Variants in EYS observed in about 807,000 individuals in gnomAD.
EYS encodes the protein EGF-like photoreceptor maintenance factor.
Under a neutral mutation model 282.1 loss-of-function variants are expected in EYS, and 250 were observed. The ratio of observed to expected loss-of-function variants is 0.89; its 90% confidence interval spans 0.80 to 0.98. The LOEUF (loss-of-function observed/expected upper bound fraction) is 0.98, where lower values mean the gene tolerates loss of function less well. Among genes scored for constraint, EYS ranks in the 50% least tolerant of loss-of-function variants. The probability of loss-of-function intolerance (pLI) is 0.00; values close to 1 mark genes in which losing one functional copy is unlikely to be tolerated. For synonymous variants in EYS, 1,355 were observed against 1,282.9 expected (o/e 1.06, Z -1.20); for missense variants, 4,016 against 3,709.0 (o/e 1.08, Z -2.15).
Position 64,591,257 on chromosome 6 carries a change from C to G in EYS, c.4610G>C (p.Arg1537Thr). The G allele has an allele frequency of 6.4e-7, 1 of 1,551,410 alleles. No homozygotes were observed. Among genetic ancestry groups the G allele is most frequent in the Non-Finnish European group, 8.7e-7 (1 of 1,146,810 alleles). ...QAITEASSNQ[R>T]LTNIKSQAAD... ...AGCCTGTGATTTGATGTTTGTGAGT[C>G]TCTGGTTGCTTGAAGCCTCAGTAAT... Residue 1537 changes from arginine (R) to threonine (T), a missense_variant, in exon 26 of 43, where the codon AGA becomes ACA. Transcript: ENST00000503581.
In EYS at chr6:64,821,680, C is replaced by A. The variant is rs1764903133; in HGVS notation, c.3208G>T (p.Asp1070Tyr). The change falls in exon 21 of 43, where the codon GAT becomes TAT. Residue 1070 changes from aspartate (D) to tyrosine (Y), a missense_variant. By Grantham distance (160) the Asp-to-Tyr change is radical (BLOSUM62 -3). Transcript: ENST00000503581. Reference sequence around the variant, plus strand: ...ATCTTACATTGTGTGCTAGTCCCATCTGCATCACATGAACATGGATATTCA... The same window carrying A: ...ATCTTACATTGTGTGCTAGTCCCATATGCATCACATGAACATGGATATTCA... ...INEYPCSCDA[D>Y]GTSTQCKIKI... 1.3e-6 allele frequency: 2 copies of A among 1,526,602 alleles called. No homozygotes were observed. The highest frequency in any genetic ancestry group is 8.9e-7 in the Non-Finnish European group (1 of 1,128,910). 94.6% of individuals were successfully genotyped at this position (1,526,602 alleles called of 1,614,324 possible).
chr6:65,158,053 G>A (rs1305745253), intron 12 of EYS, among the ~76,000 whole-genome samples: 1 of 150,654 alleles, frequency 6.6e-6, no homozygotes, highest in Non-Finnish European at 1.5e-5. Flanking sequence ...ATTGCTTTAA[G>A]GGAATAACAA....
chr6:65,563,834 T>C (rs993631889), intron 2 of EYS, among the ~76,000 whole-genome samples: 1 of 151,978 alleles, frequency 6.6e-6, no homozygotes, highest in African/African-American at 2.4e-5. Flanking sequence ...ATCCTAAGAA[T>C]TGAGCAAACA....
At chr6:64,769,345 A>G (rs2149984728) in intron 22 of EYS, among the ~76,000 whole-genome samples, 1 of 152,246 alleles carries the variant, frequency 6.6e-6, no homozygotes, top group African/African-American at 2.4e-5. Context: ...ATAAATGAGC[A>G]CAGCTGTATT....
intron 35 of EYS, among the ~76,000 whole-genome samples, chr6:63,927,204 T>A (rs1764741246): frequency 6.6e-6 from 1 of 152,316 alleles, no homozygotes; most frequent in East Asian, 1.9e-4. Flanking sequence ...CATCAAACAG[T>A]TATTTTTAGG....
Position 64,004,427 on chromosome 6 carries a change from G to A in EYS, c.6726-5244C>T, listed in dbSNP as rs539978098. Among the ~76,000 whole-genome samples, 19 of 151,512 alleles carry A rather than the reference G, an allele frequency of 1.3e-4. No individual in the cohort carries two copies. In the South Asian group the frequency reaches 3.8e-3, roughly 30 times the overall value. ...AATTCAGTTTCCACTCTTTAAATAAGGAGCAATAAGTATTATCAAAGTTTG... is the reference window on the plus strand; with the variant it reads ...AATTCAGTTTCCACTCTTTAAATAAAGAGCAATAAGTATTATCAAAGTTTG... On this transcript the variant is annotated intron_variant, in intron 33 of 42. Transcript: ENST00000503581.
At chr6:65,638,012 C>T (rs1400580778) in intron 2 of EYS, among the ~76,000 whole-genome samples, 1 of 152,178 alleles carries the variant, frequency 6.6e-6, no homozygotes, top group African/African-American at 2.4e-5. Context: ...TTGTCAGTTC[C>T]AGCTGGAGTC....
At chr6:65,689,878 G>A (rs1404460389) in intron 1 of EYS, among the ~76,000 whole-genome samples, 1 of 149,698 alleles carries the variant, frequency 6.7e-6, no homozygotes, top group Non-Finnish European at 1.5e-5. Flanking sequence ...AGATCGGCAG[G>A]TCGAGAAATA....
At chr6:63,933,344 C>T (rs1250452197) in intron 35 of EYS, among the ~76,000 whole-genome samples, 1 of 152,126 alleles carries the variant, frequency 6.6e-6, no homozygotes, top group South Asian at 2.1e-4. Flanking sequence ...GTAGCTGGGA[C>T]TACAGGTACA....
chr6:65,425,904 CACCAAACTCAAGTGCATGTA>C (rs1249211670), intron 5 of EYS, among the ~76,000 whole-genome samples: 1 of 152,030 alleles, frequency 6.6e-6, no homozygotes, highest in African/African-American at 2.4e-5. Context: ...TGTATTTATC[CACCAAACTCAAGTGCATGTA>C]ACCAAACTGA....
intron 12 of EYS, among the ~76,000 whole-genome samples, chr6:65,198,494 G>A (rs908247179): frequency 6.6e-6 from 1 of 152,050 alleles, no homozygotes; most frequent in Admixed American, 6.6e-5. Flanking sequence ...TGGCAGTGCA[G>A]CAGGGATTTT....
intron 12 of EYS, among the ~76,000 whole-genome samples, chr6:65,271,050 G>A (rs1223526146): frequency 7.0e-6 from 1 of 143,102 alleles, no homozygotes; most frequent in Non-Finnish European, 1.5e-5. Context: ...ACATTTTTAG[G>A]TACTTATCAT....
chr6:65,382,206 C>A (rs1357693908), intron 8 of EYS, among the ~76,000 whole-genome samples: 2 of 115,850 alleles, frequency 1.7e-5, no homozygotes, highest in Non-Finnish European at 3.7e-5. Flanking sequence ...GAACCTCATC[C>A]TTTGGTGTTT....
chr6:65,699,180 CA>C (rs1444904891), intron 1 of EYS, among the ~76,000 whole-genome samples: 2 of 151,984 alleles, frequency 1.3e-5, no homozygotes, highest in East Asian at 3.9e-4. Flanking sequence ...CGTTTTAGAT[CA>C]CGTCTATATT....
intron 31 of EYS, among the ~76,000 whole-genome samples, chr6:64,222,899 CTTATA>C (rs1382413778): frequency 6.6e-6 from 1 of 151,820 alleles, no homozygotes; most frequent in Non-Finnish European, 1.5e-5. Context: ...TTGTTTTAGT[CTTATA>C]TTAAGTCCAA....
rs543766348 is a variant in EYS at position 63,940,570 on chromosome 6, G to C, written c.7055+43813C>G. 2.9e-4 allele frequency among the ~76,000 whole-genome samples: 44 copies of C among 152,204 alleles called. No homozygotes were observed. In the South Asian group the frequency reaches 5.4e-3, roughly 19 times the overall value. ...TTTGTTGATTTTAGAATGTAGTATG[G>C]CTTAAAAAACATCAGGATAACAGGA... is the stretch of plus-strand genomic sequence containing the variant. On this transcript the variant is annotated intron_variant, in intron 35 of 42. Coordinates refer to ENST00000503581, the MANE Select transcript of EYS (RefSeq NM_001142800.2).
Position 65,553,323 on chromosome 6 carries a change from C to A in EYS, c.-332-57330G>T, listed in dbSNP as rs114731624. ...TCACAGCAATCTATCACTGAGGTTCCTTTCATGGGATATAGGATAGATCAT... is the reference window on the plus strand; with the variant it reads ...TCACAGCAATCTATCACTGAGGTTCATTTCATGGGATATAGGATAGATCAT... On this transcript the variant is annotated intron_variant, in intron 2 of 42. Coordinates refer to ENST00000503581, the MANE Select transcript of EYS (RefSeq NM_001142800.2). 2.1e-3 allele frequency among the ~76,000 whole-genome samples: 318 copies of A among 152,174 alleles called. 2 individuals are homozygous for A. The highest frequency in any genetic ancestry group is 7.4e-3 in the African/African-American group (309 of 41,540).
intron 35 of EYS, among the ~76,000 whole-genome samples, chr6:63,888,672 G>C (rs1773329011): frequency 6.6e-6 from 1 of 152,228 alleles, no homozygotes; most frequent in Non-Finnish European, 1.5e-5. Flanking sequence ...ATAAATCCAT[G>C]AAGATGTGGT....
At chr6:64,148,872 A>G (rs3013163) in intron 31 of EYS, among the ~76,000 whole-genome samples, 11,004 of 152,202 alleles carry the variant, frequency 0.072, 1,140 homozygotes, top group African/African-American at 0.24. Flanking sequence ...ATAAATTTCA[A>G]ATAGAAAAAA....
Sources: gnomAD v4.1 joint callset for allele counts (sites outside exome capture counted in the v4.1 genomes callset) on GRCh38, gnomAD v4.1.1 for gene constraint, MANE v1.5 for transcripts, NCBI Gene and HGNC (gene_info 2026-07-23, HGNC 2026-07-21) for gene names.